DOCK6: variants seen among roughly 807,000 people sequenced by gnomAD.
DOCK6 encodes dedicator of cytokinesis protein 6.
Under a neutral mutation model 230.3 loss-of-function variants are expected in DOCK6, and 167 were observed. The ratio of observed to expected loss-of-function variants is 0.73; its 90% confidence interval spans 0.64 to 0.82. DOCK6 has a LOEUF of 0.82. Among genes scored for constraint, DOCK6 ranks in the 40% least tolerant of loss-of-function variants. DOCK6 has a pLI of 0.00. For synonymous variants in DOCK6, 1,148 were observed against 1,185.0 expected (o/e 0.97, Z 0.64); for missense variants, 2,598 against 2,825.8 (o/e 0.92, Z 1.83).
chr19:11,226,276 G>A (rs1226785149), intron 24 of DOCK6, among the ~76,000 whole-genome samples: 1 of 152,198 alleles, frequency 6.6e-6, no homozygotes, highest in Non-Finnish European at 1.5e-5. Flanking sequence ...ACAAGGTTAA[G>A]CTACCACTCA....
rs1209132248 is a variant in DOCK6, at chr19:11,250,943, C to T, written c.651G>A (p.Arg217=). 1 of 1,613,408 alleles carries T rather than the reference C, an allele frequency of 6.2e-7. No homozygotes were observed. Among genetic ancestry groups the T allele is most frequent in the Non-Finnish European group, 8.5e-7 (1 of 1,179,542 alleles). ...GCTGCCGTCGAAGGGTTTCATTGCG[C>T]CGGTCCACATCTTCTGGGGCCGCCC... ...LERAAPEDVD[R]RNETLRRQHR... is the part of the protein sequence containing the mutation. Residue 217 remains arginine, a synonymous_variant, in exon 6 of 48, where the codon CGG becomes CGA. Transcript: ENST00000294618.
rs377317439 is a variant in DOCK6, at chr19:11,233,306, C to G, written c.2615G>C (p.Ser872Thr). The G allele has an allele frequency of 1.2e-6, 2 of 1,613,904 alleles. No individual in the cohort carries two copies. The highest frequency in any genetic ancestry group is 1.7e-6 in the Non-Finnish European group (2 of 1,179,870). ...TLARGSGRPASLYLARSKSIS... is the reference protein window; with the variant it reads ...TLARGSGRPATLYLARSKSIS... The stretch of plus-strand genomic sequence containing the variant: ...GCTCTTGGAACGCGCCAGGTAGAGG[C>G]TTGCGGGGCGACCAGAGCCACGGGC... The change falls in exon 22 of 48, where the codon AGC (serine) becomes ACC (threonine). Residue 872 changes from serine (S) to threonine (T), a missense_variant. Coordinates refer to ENST00000294618, the MANE Select transcript of DOCK6 (RefSeq NM_020812.4).
At position 11,237,779 on chromosome 19, in the gene DOCK6, C is replaced by T. The variant is rs1437259182; in HGVS notation, c.1833G>A (p.Lys611=). The T allele has an allele frequency of 1.8e-5, 28 of 1,565,248 alleles. No homozygotes were observed. The highest frequency in any genetic ancestry group is 2.1e-5 in the Non-Finnish European group (24 of 1,155,510). Residue 611 remains lysine, a splice_region_variant and synonymous_variant, in exon 17 of 48, where the codon AAG becomes AAA. Transcript: ENST00000294618. Reference sequence around the variant, plus strand: ...TGAACTCCTCGTAGAACTCGGGGGACCTGGCAGAATCGGGCTGGGGGATCT... The same window carrying T: ...TGAACTCCTCGTAGAACTCGGGGGATCTGGCAGAATCGGGCTGGGGGATCT... ...EAFTPVVYHN[K]SPEFYEEFKL...
At chr19:11,217,505 C>T in intron 28 of DOCK6, 114 bp from the exon 29 acceptor site, 3 of 1,378,612 alleles carry the variant, frequency 2.2e-6, no homozygotes, top group Non-Finnish European at 2.0e-6. Context: ...GCCTGTAATA[C>T]CAGCACTTTG....
At chr19:11,231,928 C>T (rs1033199377) in intron 22 of DOCK6, among the ~76,000 whole-genome samples, 23 of 152,188 alleles carry the variant, frequency 1.5e-4, no homozygotes, top group Non-Finnish European at 3.1e-4. Flanking sequence ...ATTTGCACTT[C>T]GTTTGCATGC....
rs114902682 is a variant in DOCK6 at position 11,242,080 on chromosome 19, G to A, written c.1608C>T (p.Pro536=). The change falls in exon 14 of 48, where the codon CCC becomes CCT. Residue 536 remains proline, a synonymous_variant. Transcript: ENST00000294618. ...GRPTKEILEF[P]AREVYAPHTS... ...TATGGGGGGCATAGACTTCGCGGGC[G>A]GGGAACTCCAGAATCTCCTTGGTGG... 1.8e-4 allele frequency: 272 copies of A among 1,547,310 alleles called. No individual in the cohort carries two copies. In the African/African-American group the frequency reaches 3.3e-3, roughly 19 times the overall value.
At chr19:11,244,462 T>C (rs1197986354) in intron 9 of DOCK6, among the ~76,000 whole-genome samples, 2 of 133,250 alleles carry the variant, frequency 1.5e-5, no homozygotes, top group Non-Finnish European at 3.2e-5. Flanking sequence ...TTTTTTTTTT[T>C]TTTTTTTTTT....
chr19:11,210,455 TG>T (rs1467543794), intron 37 of DOCK6, among the ~76,000 whole-genome samples: 6 of 136,872 alleles, frequency 4.4e-5, no homozygotes, highest in Admixed American at 3.7e-4. Context: ...TCTCCTTGCC[TG>T]TTCACCCCTT....
In DOCK6 at chr19:11,236,173, C is replaced by T; in HGVS notation, c.2392+173G>A. The stretch of plus-strand genomic sequence containing the variant: ...GGGATGACAGGCGTGAACCGCTGCA[C>T]CCGGGCCAAAGGGTCACAGAAGACC... On this transcript the variant is annotated intron_variant, in intron 20 of 47. Transcript: ENST00000294618. This position sits in a 1 kb window ranked among gnomAD's most constrained non-coding sequence, Gnocchi z 5.2. 4.3e-6 allele frequency: 3 copies of T among 704,672 alleles called. No homozygotes were observed. Among genetic ancestry groups the T allele is most frequent in the South Asian group, 2.0e-5 (1 of 50,360 alleles). The allele number at this position is 704,672 out of a possible 1,614,324, so 43.7% of individuals were successfully genotyped here. A position where few individuals can be genotyped will look rare whatever the true frequency, so the allele number is the denominator to read the frequency against.
rs2079390819 is a variant in DOCK6 at position 11,211,803 on chromosome 19, G to A, written c.4724C>T (p.Pro1575Leu). ...GTACATGAGGTCGATGAGCATCTCA[G>A]GGTCCTCCTGGTGTTCCTTCATCTT... ...TVKMKEHQEDPEMLIDLMYRI... is the reference protein window; with the variant it reads ...TVKMKEHQEDLEMLIDLMYRI... Residue 1575 changes from proline to leucine, a missense_variant, in exon 37 of 48, where the codon CCT becomes CTT. Transcript: ENST00000294618. The A allele has an allele frequency of 6.4e-7, 1 of 1,551,992 alleles. No homozygotes were observed. Among genetic ancestry groups the A allele is most frequent in the Non-Finnish European group, 8.7e-7 (1 of 1,147,156 alleles).
rs1231835585 is a variant in DOCK6 at position 11,209,123 on chromosome 19, G to A, written c.4752-20C>T. The A allele has an allele frequency of 1.2e-6, 2 of 1,605,266 alleles. No homozygotes were observed. The highest frequency in any genetic ancestry group is 4.5e-5 in the East Asian group (2 of 44,590). ...GCAATTCTGGAGTCCAGGTGAGGGGGGATGTGAGGAGGGGACTCACCTGGT... is the reference window on the plus strand; with the variant it reads ...GCAATTCTGGAGTCCAGGTGAGGGGAGATGTGAGGAGGGGACTCACCTGGT... On this transcript the variant is annotated intron_variant, in intron 37 of 47. Coordinates refer to ENST00000294618, the MANE Select transcript of DOCK6 (RefSeq NM_020812.4).
chr19:11,200,920 T>A lies in DOCK6; in HGVS notation c.5821A>T (p.Thr1941Ser). Residue 1941 changes from threonine (T) to serine (S), a missense_variant, in exon 45 of 48, where the codon ACC becomes TCC. By Grantham distance (58) the Thr-to-Ser change is moderately conservative. Coordinates refer to ENST00000294618, the MANE Select transcript of DOCK6 (RefSeq NM_020812.4). The surrounding 1 kb of genome is among the most constrained non-coding windows in gnomAD (Gnocchi z 4.3). ...TCCACCAGCCGTGCCTGGTTCACGGTGGGCCCTACAGAGCCCTGAAGCACC... is the reference window on the plus strand; with the variant it reads ...TCCACCAGCCGTGCCTGGTTCACGGAGGGCCCTACAGAGCCCTGAAGCACC... ...QMVLQGSVGP[T>S]VNQGPLEVAQ... The A allele has an allele frequency of 6.2e-7, 1 of 1,613,852 alleles. No individual in the cohort carries two copies. The highest frequency in any genetic ancestry group is 1.1e-5 in the South Asian group (1 of 91,070).
chr19:11,209,468 C>T (rs570980184), intron 37 of DOCK6, among the ~76,000 whole-genome samples: 43 of 151,830 alleles, frequency 2.8e-4, no homozygotes, highest in Middle Eastern at 6.8e-3. Flanking sequence ...CCTCACCTGT[C>T]CACCCCCTCA....
rs1568227699 is a variant in DOCK6 at position 11,215,846 on chromosome 19, GA to G, written c.3975del (p.Leu1326TrpfsTer65). On this transcript the variant is annotated frameshift_variant, in exon 31 of 48. Coordinates refer to ENST00000294618, the MANE Select transcript of DOCK6 (RefSeq NM_020812.4). LOFTEE classifies it high-confidence loss of function. Reference protein sequence around the residue: ...LDMKARLEEAILGTIGARQEM... With the variant: ...LDMKARLEEAXLGTIGARQEM... ...TCTTGTCGAGCTCCGATGGTACCCA[GA>G]ATGGCTTCCTCTAGCCGCGCCTTCA... 6.2e-7 allele frequency: 1 copy of G among 1,613,990 alleles called. No individual in the cohort carries two copies. Among genetic ancestry groups the G allele is most frequent in the East Asian group, 2.2e-5 (1 of 44,880 alleles).
Position 11,233,795 on chromosome 19 carries a change from G to A in DOCK6, c.2555-429C>T, listed in dbSNP as rs549532251. On this transcript the variant is annotated intron_variant, in intron 21 of 47. Coordinates refer to ENST00000294618, the MANE Select transcript of DOCK6 (RefSeq NM_020812.4). ...TTTAAGGCAGCAGTGAGTTATGATC[G>A]TGACACTGCACTCTAGCCTGGCCGA... 2.0e-4 allele frequency among the ~76,000 whole-genome samples: 31 copies of A among 152,098 alleles called. No homozygotes were observed. In the South Asian group the frequency reaches 3.3e-3, roughly 16 times the overall value.
chr19:11,199,358 A>G lies in DOCK6; in HGVS notation c.*139T>C, dbSNP rs761411473. The G allele has an allele frequency of 1.9e-5, 20 of 1,026,984 alleles. No individual in the cohort carries two copies. Among genetic ancestry groups the G allele is most frequent in the Non-Finnish European group, 2.8e-5 (19 of 678,896 alleles). The allele number at this position is 1,026,984 out of a possible 1,614,324, so 63.6% of individuals were successfully genotyped here. A position where few individuals can be genotyped will look rare whatever the true frequency, so the allele number is the denominator to read the frequency against. ...AGCATCAGTGCACACAGATGGGGAC[A>G]CAGGGGCAGAGGGCCCAGCCCCAAG... On this transcript the variant is annotated 3_prime_UTR_variant, in exon 48 of 48. Coordinates refer to ENST00000294618, the MANE Select transcript of DOCK6 (RefSeq NM_020812.4).
At chr19:11,218,257 G>A (rs912242964) in intron 28 of DOCK6, among the ~76,000 whole-genome samples, 1 of 151,622 alleles carries the variant, frequency 6.6e-6, no homozygotes, top group African/African-American at 2.4e-5. Context: ...AGCAATTCTC[G>A]TGCCTCAGCC....
chr19:11,232,125 G>C (rs2079774463), intron 22 of DOCK6: 1 of 1,218,322 alleles, frequency 8.2e-7, no homozygotes, highest in Non-Finnish European at 1.1e-6. Flanking sequence ...AGCCAGGAAG[G>C]TGGGAGGAGC....
Position 11,250,885 on chromosome 19 carries a change from C to A in DOCK6, c.709G>T (p.Ala237Ser). The A allele has an allele frequency of 6.3e-7, 1 of 1,596,160 alleles. No homozygotes were observed. The highest frequency in any genetic ancestry group is 8.6e-7 in the Non-Finnish European group (1 of 1,165,688). Residue 237 changes from alanine (A) to serine (S), a missense_variant, in exon 6 of 48, where the codon GCA becomes TCA. Coordinates refer to ENST00000294618, the MANE Select transcript of DOCK6 (RefSeq NM_020812.4). ...GAAGGGGCACCCACCTCGTCAGGTG[C>A]CGGGTAGAGGGTGAGCAGGGCCGGG... The part of the protein sequence containing the change: ...RPPALLTLYP[A>S]PDEDEAVERC...
Sources: gnomAD v4.1 joint callset for allele counts (sites outside exome capture counted in the v4.1 genomes callset) on GRCh38, gnomAD v4.1.1 for gene constraint, Gnocchi (gnomAD v3.1) non-coding constraint, MANE v1.5 for transcripts, NCBI Gene and HGNC (gene_info 2026-07-23, HGNC 2026-07-21) for gene names.